The following ZNF292 variants were observed in gnomAD, a reference collection of about 807,000 sequenced individuals.
The protein encoded by ZNF292 is 16 zinc-finger domain protein.
ZNF292 carries 26 observed loss-of-function variants against 217.9 expected under a neutral mutation model. That is an observed-to-expected ratio of 0.12 (90% CI 0.09 to 0.17). ZNF292 has a LOEUF of 0.17. ZNF292 is among the 10% of genes least tolerant of loss of function. The pLI is 1.00. For synonymous variants in ZNF292, 1,257 were observed against 1,124.1 expected (o/e 1.12, Z -2.37); for missense variants, 2,904 against 3,175.2 (o/e 0.91, Z 2.05).
At chr6:87,246,218 G>A (rs1346187863) in intron 7 of ZNF292, among the ~76,000 whole-genome samples, 2 of 152,110 alleles carry the variant, frequency 1.3e-5, no homozygotes, top group Non-Finnish European at 2.9e-5. Flanking sequence ...GCAACAGAGC[G>A]AGACTCCATC....
In ZNF292 at chr6:87,262,965, A is replaced by G. The variant is rs1775676261; in HGVS notation, c.*1164A>G. 6.6e-6 allele frequency: 1 copy of G among 152,014 alleles called. No individual in the cohort carries two copies. 9.4% of individuals were successfully genotyped at this position (152,014 alleles called of 1,614,324 possible). A position where few individuals can be genotyped will look rare whatever the true frequency, so the allele number is the denominator to read the frequency against. Reference sequence around the variant, plus strand: ...TAATTACATAGATAAAACACTTTCTATAAGGAAGTTGGATGTTTTGATTTT... The same window carrying G: ...TAATTACATAGATAAAACACTTTCTGTAAGGAAGTTGGATGTTTTGATTTT... On this transcript the variant is annotated 3_prime_UTR_variant, in exon 8 of 8. Transcript: ENST00000369577.
chr6:87,180,471 T>C (rs1030886930), intron 1 of ZNF292, among the ~76,000 whole-genome samples: 2 of 152,190 alleles, frequency 1.3e-5, no homozygotes, highest in African/African-American at 4.8e-5. Context: ...AGCGTCAGCT[T>C]AGTGACCTCC....
At chr6:87,236,370 A>G (rs1773901565) in intron 5 of ZNF292, among the ~76,000 whole-genome samples, 1 of 150,156 alleles carries the variant, frequency 6.7e-6, no homozygotes, top group Non-Finnish European at 1.5e-5. Context: ...AATAGCAGCT[A>G]GTTGATACCC....
At chr6:87,225,519 A>T (rs2127814025) in intron 4 of ZNF292, among the ~76,000 whole-genome samples, 1 of 152,216 alleles carries the variant, frequency 6.6e-6, no homozygotes, top group East Asian at 1.9e-4. Context: ...TGGGTATATG[A>T]TCCATTTTTA....
intron 1 of ZNF292, among the ~76,000 whole-genome samples, chr6:87,192,522 C>T (rs1771847441): frequency 6.6e-6 from 1 of 152,016 alleles, no homozygotes; most frequent in Non-Finnish European, 1.5e-5. Context: ...TTATCATGGA[C>T]ACTCTTCCAC....
At chr6:87,181,576 T>C (rs4235831) in intron 1 of ZNF292, among the ~76,000 whole-genome samples, 96,167 of 151,874 alleles carry the variant, frequency 0.63, 32,107 homozygotes, top group African/African-American at 0.86. Context: ...CAGACTTGAG[T>C]GTGGGGCATT....
chr6:87,239,613 G>A, intron 5 of ZNF292, among the ~76,000 whole-genome samples: 2 of 146,570 alleles, frequency 1.4e-5, no homozygotes, highest in Admixed American at 6.7e-5. Flanking sequence ...CTGGACGGAG[G>A]GGCTCCTCAC....
rs1307496357 is a variant in ZNF292 at position 87,260,853 on chromosome 6, G to C, written c.7224G>C (p.Lys2408Asn). The C allele has an allele frequency of 1.9e-6, 3 of 1,610,842 alleles. No individual in the cohort carries two copies. The highest frequency in any genetic ancestry group is 1.7e-6 in the Non-Finnish European group (2 of 1,178,314). The change falls in exon 8 of 8, where the codon AAG (lysine) becomes AAC (asparagine). Residue 2408 changes from lysine to asparagine, a missense_variant. Physicochemically the swap from Lys to Asn is moderately conservative, Grantham distance 94. Around this residue, in one of 15 missense-constraint regions of ZNF292, gnomAD observed 27 missense variants for 52.3 expected, o/e 0.52. Transcript: ENST00000369577. The part of the protein sequence containing the change: ...TSESNIIRHY[K>N]CHKLSKAFTS... ...AAAGCAATATAATTAGACATTATAA[G>C]TGCCATAAATTATCTAAGGCATTTA...
chr6:87,169,085 C>A (rs1771008634), intron 1 of ZNF292, among the ~76,000 whole-genome samples: 1 of 151,636 alleles, frequency 6.6e-6, no homozygotes, highest in Admixed American at 6.6e-5. Flanking sequence ...CTCTGTTGCC[C>A]CAGCTGCAGT....
chr6:87,175,180 T>G (rs1330169770), intron 1 of ZNF292, among the ~76,000 whole-genome samples: 1 of 152,198 alleles, frequency 6.6e-6, no homozygotes, highest in Non-Finnish European at 1.5e-5. Flanking sequence ...TCCTCTGACT[T>G]CTTCTCTCCT....
intron 5 of ZNF292, among the ~76,000 whole-genome samples, chr6:87,234,491 G>A (rs1018646325): frequency 1.3e-4 from 20 of 151,980 alleles, no homozygotes; most frequent in African/African-American, 4.8e-4. Context: ...CCTGGGAGGT[G>A]GGGGTTGCAG....
In ZNF292 at chr6:87,254,834, C is replaced by T. The variant is rs762030565; in HGVS notation, c.1205C>T (p.Ala402Val). ...SEFLIEPTVDAYYAVEMLYNQ... is the reference protein window; with the variant it reads ...SEFLIEPTVDVYYAVEMLYNQ... ...TTTCTTATTGAGCCTACAGTAGATG[C>T]GTATTATGCTGTGGAAATGTTGTAT... Residue 402 changes from alanine to valine, a missense_variant, in exon 8 of 8, where the codon GCG becomes GTG. By Grantham distance (64) the Ala-to-Val change is moderately conservative. Coordinates refer to ENST00000369577, the MANE Select transcript of ZNF292 (RefSeq NM_015021.3). 3.7e-6 allele frequency: 6 copies of T among 1,613,766 alleles called. No homozygotes were observed. The highest frequency in any genetic ancestry group is 1.1e-5 in the South Asian group (1 of 91,058).
chr6:87,215,858 T>C (rs1772726181), intron 1 of ZNF292, 45 bp from the exon 2 acceptor site: 4 of 1,475,988 alleles, frequency 2.7e-6, no homozygotes, highest in Non-Finnish European at 3.6e-6. Context: ...CAATGTATAT[T>C]TTGATTTACA....
In ZNF292 at chr6:87,261,754, A is replaced by T. The variant is rs748513463; in HGVS notation, c.8125A>T (p.Met2709Leu). 1 of 1,612,920 alleles carries T rather than the reference A, an allele frequency of 6.2e-7. No individual in the cohort carries two copies. The highest frequency in any genetic ancestry group is 8.5e-7 in the Non-Finnish European group (1 of 1,179,196). Residue 2709 changes from methionine to leucine, a missense_variant, in exon 8 of 8, where the codon ATG (methionine) becomes TTG (leucine). Around this residue, in one of 15 missense-constraint regions of ZNF292, gnomAD observed 380 missense variants for 355.3 expected, o/e 1.07. Coordinates refer to ENST00000369577, the MANE Select transcript of ZNF292 (RefSeq NM_015021.3). ...VHSNDPDMSV[M>L]KDISIGKATG... ...TTCAAATGATCCAGATATGTCTGTT[A>T]TGAAAGATATCAGTATAGGTAAAGC...
intron 1 of ZNF292, among the ~76,000 whole-genome samples, chr6:87,193,061 C>G (rs543891032): frequency 6.6e-6 from 1 of 152,318 alleles, no homozygotes; most frequent in East Asian, 1.9e-4. Flanking sequence ...GGCAACTCGG[C>G]TCACTGCAGC....
At chr6:87,180,301 TGG>T (rs1771435994) in intron 1 of ZNF292, among the ~76,000 whole-genome samples, 2 of 152,316 alleles carry the variant, frequency 1.3e-5, no homozygotes, top group Middle Eastern at 3.4e-3. Context: ...ATTTTGTGAG[TGG>T]AGAGTGCTGG....
At position 87,265,753 on chromosome 6, in the gene ZNF292, C is replaced by T. The variant is rs1775784856; in HGVS notation, c.*3952C>T. On this transcript the variant is annotated 3_prime_UTR_variant, in exon 8 of 8. Coordinates refer to ENST00000369577, the MANE Select transcript of ZNF292 (RefSeq NM_015021.3). ...CAGGACTGATAATCAACGTGTACAC[C>T]AATTCAATTGTATCAGCTGTTTGCA... Among the ~76,000 whole-genome samples, 1 of 152,108 alleles carries T rather than the reference C, an allele frequency of 6.6e-6. No individual in the cohort carries two copies. The highest frequency in any genetic ancestry group is 1.5e-5 in the Non-Finnish European group (1 of 68,016).
In ZNF292 at chr6:87,265,298, C is replaced by T. The variant is rs1775774474; in HGVS notation, c.*3497C>T. 6.6e-6 allele frequency among the ~76,000 whole-genome samples: 1 copy of T among 151,980 alleles called. No individual in the cohort carries two copies. Among genetic ancestry groups the T allele is most frequent in the South Asian group, 2.1e-4 (1 of 4,820 alleles). On this transcript the variant is annotated 3_prime_UTR_variant, in exon 8 of 8. Coordinates refer to ENST00000369577, the MANE Select transcript of ZNF292 (RefSeq NM_015021.3). ...CCCAGCTAATTTTGTAGTTTTGGCA[C>T]AATCTCAGCTCAGTGCAACTTCCAT...
intron 7 of ZNF292, among the ~76,000 whole-genome samples, chr6:87,247,984 G>T (rs1251696382): frequency 6.6e-6 from 1 of 152,156 alleles, no homozygotes; most frequent in African/African-American, 2.4e-5. Context: ...TTGTATATGT[G>T]CTTCCACTTA....
Sources: allele counts gnomAD v4.1 joint callset (sites outside exome capture counted in the v4.1 genomes callset), GRCh38; gene constraint gnomAD v4.1.1; regional missense constraint gnomAD v4.1.1; transcripts MANE v1.5; gene names NCBI Gene and HGNC (gene_info 2026-07-23, HGNC 2026-07-21).